The following COL21A1 variants were observed in gnomAD, a reference collection of about 807,000 sequenced individuals.
COL21A1 encodes collagen alpha-1(XXI) chain.
A neutral mutation model predicts 137.9 loss-of-function variants in COL21A1; 149 were observed. That is an observed-to-expected ratio of 1.08 (90% CI 0.95 to 1.24). The LOEUF (loss-of-function observed/expected upper bound fraction) is 1.24. Ranked by LOEUF, COL21A1 falls within the 50% of genes most tolerant of loss-of-function variation. The pLI is 0.00. For missense variants in COL21A1, 1,167 were observed against 1,158.4 expected, an observed-to-expected ratio of 1.01 and a Z score of -0.11; for synonymous variants, 456 against 391.5, an observed-to-expected ratio of 1.16 and a Z score of -1.95.
intron 1 of COL21A1, among the ~76,000 whole-genome samples, chr6:56,220,451 T>G (rs9382595): frequency 0.63 from 96,207 of 152,028 alleles, 30,744 homozygotes; most frequent in East Asian, 0.86. Flanking sequence ...GTGTTGTCTA[T>G]GCTTATTTGG....
chr6:56,089,980 G>A (rs149570459), intron 17 of COL21A1, among the ~76,000 whole-genome samples: 3,631 of 152,254 alleles, frequency 0.024, 78 homozygotes, highest in East Asian at 0.056. Flanking sequence ...AGTGGCTCAC[G>A]CCTGTAATCC....
At chr6:56,067,362 T>C in intron 22 of COL21A1, 32 bp from the exon 23 acceptor site, 1 of 1,572,994 alleles carries the variant, frequency 6.4e-7, no homozygotes. Context: ...TGTATCATAA[T>C]CTAGCATATT....
At chr6:56,126,735 G>A (rs1773077623) in intron 12 of COL21A1, 1 of 152,098 alleles carries the variant, frequency 6.6e-6, no homozygotes, top group Non-Finnish European at 1.5e-5. Context: ...TAGTTCAGTG[G>A]GATATGTTGG....
At chr6:56,368,136 C>T (rs1766143727) in intron 1 of COL21A1, among the ~76,000 whole-genome samples, 3 of 152,128 alleles carry the variant, frequency 2.0e-5, no homozygotes, top group Admixed American at 2.0e-4. Flanking sequence ...GCACTCTAAC[C>T]AGAAATTATT....
At chr6:56,277,074 C>T (rs1012233039) in intron 1 of COL21A1, among the ~76,000 whole-genome samples, 2 of 152,174 alleles carry the variant, frequency 1.3e-5, no homozygotes, top group Non-Finnish European at 1.5e-5. Flanking sequence ...CCCGCCTCGA[C>T]CTCCCAAAGT....
chr6:56,389,278 G>C (rs1292915935), intron 1 of COL21A1, among the ~76,000 whole-genome samples: 1 of 152,032 alleles, frequency 6.6e-6, no homozygotes, highest in East Asian at 1.9e-4. Context: ...AGAATTACTT[G>C]AACGTGGGAG....
intron 1 of COL21A1, among the ~76,000 whole-genome samples, chr6:56,331,569 C>G (rs1161706059): frequency 6.6e-6 from 1 of 151,772 alleles, no homozygotes; most frequent in Non-Finnish European, 1.5e-5. Flanking sequence ...GTCAACTTTG[C>G]CAAAGATCAG....
At chr6:56,382,599 T>C (rs1007841909) in intron 1 of COL21A1, among the ~76,000 whole-genome samples, 2 of 152,056 alleles carry the variant, frequency 1.3e-5, no homozygotes, top group African/African-American at 4.8e-5. Flanking sequence ...AGTAATCTGA[T>C]AGGATTGGTG....
intron 1 of COL21A1, among the ~76,000 whole-genome samples, chr6:56,286,433 A>G (rs1763916369): frequency 6.6e-6 from 1 of 152,236 alleles, no homozygotes; most frequent in Non-Finnish European, 1.5e-5. Flanking sequence ...ACCCATGCAT[A>G]CACACATACA....
At chr6:56,360,056 A>T (rs1262260859) in intron 1 of COL21A1, among the ~76,000 whole-genome samples, 1 of 152,226 alleles carries the variant, frequency 6.6e-6, no homozygotes, top group Admixed American at 6.5e-5. Flanking sequence ...AGAGGTTTTG[A>T]AGCACTGATT....
intron 1 of COL21A1, among the ~76,000 whole-genome samples, chr6:56,279,203 C>A (rs2152333665): frequency 6.6e-6 from 1 of 152,244 alleles, no homozygotes; most frequent in African/African-American, 2.4e-5. Context: ...CTTGCTGCAC[C>A]TGCCATATTT....
At chr6:56,327,752 G>A (rs2152343040) in intron 1 of COL21A1, among the ~76,000 whole-genome samples, 1 of 152,150 alleles carries the variant, frequency 6.6e-6, no homozygotes, top group East Asian at 1.9e-4. Context: ...ATACTCCTGG[G>A]CAACTCATTG....
intron 1 of COL21A1, among the ~76,000 whole-genome samples, chr6:56,303,369 A>G (rs934009363): frequency 2.0e-5 from 3 of 151,576 alleles, no homozygotes; most frequent in African/African-American, 7.2e-5. Flanking sequence ...ATGAGCATGG[A>G]ATGTTCTTGC....
At position 56,207,189 on chromosome 6, in the gene COL21A1, C is replaced by T. The variant is rs551502453; in HGVS notation, c.-38-24533G>A. Among the ~76,000 whole-genome samples, 17 of 152,112 alleles carry T rather than the reference C, an allele frequency of 1.1e-4. No homozygotes were observed. In the South Asian group the frequency reaches 3.3e-3, roughly 30 times the overall value. On this transcript the variant is annotated intron_variant, in intron 1 of 29. Coordinates refer to ENST00000244728, the MANE Select transcript of COL21A1 (RefSeq NM_030820.4). Reference sequence around the variant, plus strand: ...GCAGAAGATAAGAAATAACTAAGATCACAGCAAAACTGAAGGAGATAGAGA... The same window carrying T: ...GCAGAAGATAAGAAATAACTAAGATTACAGCAAAACTGAAGGAGATAGAGA...
At chr6:56,109,414 A>G (rs933288926) in intron 16 of COL21A1, among the ~76,000 whole-genome samples, 14 of 151,818 alleles carry the variant, frequency 9.2e-5, no homozygotes, top group African/African-American at 3.1e-4. Flanking sequence ...CATGAGAGGA[A>G]CTTGCACAAT....
intron 1 of COL21A1, among the ~76,000 whole-genome samples, chr6:56,306,734 C>T (rs1764469466): frequency 6.6e-6 from 1 of 150,636 alleles, no homozygotes; most frequent in South Asian, 2.1e-4. Flanking sequence ...CTCAACTCGT[C>T]AAAGTCATTC....
intron 17 of COL21A1, among the ~76,000 whole-genome samples, chr6:56,095,020 G>C (rs779315070): frequency 2.0e-5 from 3 of 152,032 alleles, no homozygotes; most frequent in African/African-American, 4.8e-5. Flanking sequence ...ATTTCTGAGG[G>C]GGAGGCATTT....
chr6:56,325,638 TATATA>T (rs1251235539), intron 1 of COL21A1, among the ~76,000 whole-genome samples: 1 of 184 alleles, frequency 5.4e-3, no homozygotes, highest in South Asian at 0.5. Context: ...TTATATATAA[TATATA>T]ATATAATATA....
intron 1 of COL21A1, among the ~76,000 whole-genome samples, chr6:56,193,949 T>A (rs1181313851): frequency 3.9e-5 from 6 of 152,056 alleles, no homozygotes; most frequent in Non-Finnish European, 5.9e-5. Context: ...GAGACTGGGT[T>A]TCACCATATT....
Sources: allele counts gnomAD v4.1 joint callset (sites outside exome capture counted in the v4.1 genomes callset), GRCh38; gene constraint gnomAD v4.1.1; transcripts MANE v1.5; gene names NCBI Gene and HGNC (gene_info 2026-07-23, HGNC 2026-07-21).